EYS: variants seen among roughly 807,000 people sequenced by gnomAD.
The protein encoded by EYS is protein eyes shut homolog.
EYS carries 250 observed loss-of-function variants against 282.1 expected under a neutral mutation model. That is an observed-to-expected ratio of 0.89 (90% CI 0.80 to 0.98). The LOEUF is 0.98. EYS is among the 50% of genes least tolerant of loss of function. The pLI is 0.00. For synonymous variants in EYS, 1,355 were observed against 1,282.9 expected, an observed-to-expected ratio of 1.06 and a Z score of -1.20; for missense variants, 4,016 against 3,709.0, an observed-to-expected ratio of 1.08 and a Z score of -2.15.
At chr6:65,545,290 GT>G (rs1768342851) in intron 2 of EYS, among the ~76,000 whole-genome samples, 1 of 151,202 alleles carries the variant, frequency 6.6e-6, no homozygotes, top group African/African-American at 2.4e-5. Flanking sequence ...AAAATAAAAT[GT>G]TGTTTAGTTA....
At chr6:64,635,850 G>A (rs149574317) in intron 22 of EYS, among the ~76,000 whole-genome samples, 2 of 152,162 alleles carry the variant, frequency 1.3e-5, no homozygotes, top group Admixed American at 1.3e-4. Context: ...AATGAGTTAG[G>A]GAGGATTCCC....
chr6:65,468,345 C>T (rs1223059472), intron 5 of EYS, among the ~76,000 whole-genome samples: 1 of 152,074 alleles, frequency 6.6e-6, no homozygotes, highest in African/African-American at 2.4e-5. Flanking sequence ...CTTACTTCCT[C>T]TAGGACTTTG....
At chr6:64,729,481 CATAAAAAGG>C (rs1334620120) in intron 22 of EYS, among the ~76,000 whole-genome samples, 1 of 151,924 alleles carries the variant, frequency 6.6e-6, no homozygotes, top group South Asian at 2.1e-4. Flanking sequence ...ATCTTTTTTT[CATAAAAAGG>C]ATATGTCTCA....
intron 31 of EYS, among the ~76,000 whole-genome samples, chr6:64,174,212 A>G (rs1764559989): frequency 6.6e-6 from 1 of 152,106 alleles, no homozygotes; most frequent in Non-Finnish European, 1.5e-5. Context: ...TTTTCAACTG[A>G]AAGTGAAAAA....
At chr6:65,628,532 CTT>C (rs1766800634) in intron 2 of EYS, among the ~76,000 whole-genome samples, 1 of 152,210 alleles carries the variant, frequency 6.6e-6, no homozygotes, top group South Asian at 2.1e-4. Flanking sequence ...ACTGCACACT[CTT>C]TGGGTCCACG....
intron 31 of EYS, among the ~76,000 whole-genome samples, chr6:64,216,160 T>G (rs1321673169): frequency 6.6e-6 from 1 of 151,854 alleles, no homozygotes; most frequent in Non-Finnish European, 1.5e-5. Flanking sequence ...TAAGCACAGA[T>G]CCATTGGAAA....
At chr6:63,818,848 C>T (rs940529826) in intron 36 of EYS, among the ~76,000 whole-genome samples, 2 of 152,174 alleles carry the variant, frequency 1.3e-5, no homozygotes, top group Admixed American at 6.5e-5. Context: ...TCCGTGTGGC[C>T]CTGTGGCAGT....
In EYS at chr6:65,395,505, C is replaced by T. The variant is rs140767882; in HGVS notation, c.1184+6973G>A. ...TTATCCTTAGTTAACATATCTGTCA[C>T]CTTGCACAGTTATCATTTGTATATG... is the stretch of plus-strand genomic sequence containing the variant. On this transcript the variant is annotated intron_variant, in intron 7 of 42. Coordinates refer to ENST00000503581, the MANE Select transcript of EYS (RefSeq NM_001142800.2). Among the ~76,000 whole-genome samples the T allele has an allele frequency of 5.7e-3, 869 of 152,224 alleles. 7 individuals carry two copies. The highest frequency in any genetic ancestry group is 0.015 in the African/African-American group (606 of 41,548).
chr6:65,288,154 T>G (rs1479570907), intron 12 of EYS, among the ~76,000 whole-genome samples: 1 of 151,158 alleles, frequency 6.6e-6, no homozygotes, highest in African/African-American at 2.4e-5. Flanking sequence ...CCTCTTTCTA[T>G]TTCCTGTTTT....
In EYS at chr6:64,626,173, A is replaced by T. The variant is rs1767603325; in HGVS notation, c.3516T>A (p.His1172Gln). 25 of 1,545,166 alleles carry T rather than the reference A, an allele frequency of 1.6e-5. No individual in the cohort carries two copies. Among genetic ancestry groups the T allele is most frequent in the Non-Finnish European group, 2.0e-5 (23 of 1,145,414 alleles). The change falls in exon 23 of 43, where the codon CAT becomes CAA. Residue 1172 changes from histidine to glutamine, a missense_variant. Physicochemically the swap from His to Gln is conservative, Grantham distance 24. Transcript: ENST00000503581. Reference protein sequence around the residue: ...INECSSSPCLHGADCEDHING... With the variant: ...INECSSSPCLQGADCEDHING... ...TGATGTGATCTTCACAGTCTGCACC[A>T]TGTAGACATGGTGATGAAGAGCATT...
intron 5 of EYS, among the ~76,000 whole-genome samples, chr6:65,443,209 A>T (rs762762520): frequency 1.3e-5 from 2 of 151,874 alleles, no homozygotes; most frequent in Admixed American, 6.6e-5. Flanking sequence ...ACATATATGT[A>T]TGCATCATAT....
At chr6:65,415,899 A>G (rs1200972163) in intron 5 of EYS, among the ~76,000 whole-genome samples, 1 of 152,080 alleles carries the variant, frequency 6.6e-6, no homozygotes, top group African/African-American at 2.4e-5. Context: ...TGAATATATG[A>G]GACCAGGTAG....
At chr6:65,625,495 C>T (rs1241031846) in intron 2 of EYS, among the ~76,000 whole-genome samples, 5 of 152,092 alleles carry the variant, frequency 3.3e-5, no homozygotes, top group Non-Finnish European at 5.9e-5. Context: ...ATATGAACAA[C>T]AAAAACATGT....
chr6:64,867,974 G>A (rs1293682751), intron 19 of EYS, among the ~76,000 whole-genome samples: 2 of 151,464 alleles, frequency 1.3e-5, no homozygotes, highest in East Asian at 3.9e-4. Flanking sequence ...TAAAAAGCCT[G>A]TGGATAATTA....
chr6:63,939,337 C>G (rs943591561), intron 35 of EYS, among the ~76,000 whole-genome samples: 6 of 152,016 alleles, frequency 3.9e-5, no homozygotes, highest in African/African-American at 1.5e-4. Flanking sequence ...CCACCCATCC[C>G]CAATAATTTC....
chr6:63,736,562 C>A (rs181646734), intron 41 of EYS, among the ~76,000 whole-genome samples: 6 of 151,926 alleles, frequency 3.9e-5, no homozygotes, highest in Non-Finnish European at 8.8e-5. Context: ...ATTGACTTGG[C>A]GATGCGGGCT....
chr6:64,105,333 A>T (rs2150261821), intron 31 of EYS, among the ~76,000 whole-genome samples: 1 of 152,248 alleles, frequency 6.6e-6, no homozygotes, highest in African/African-American at 2.4e-5. Flanking sequence ...TTAGGCTCAC[A>T]GAAAATTCAA....
chr6:64,671,758 G>A (rs911216411), intron 22 of EYS, among the ~76,000 whole-genome samples: 3 of 151,986 alleles, frequency 2.0e-5, no homozygotes, highest in African/African-American at 7.2e-5. Flanking sequence ...AGTTTTAGAA[G>A]AGGGAGACAC....
At chr6:65,435,094 A>G (rs1768024467) in intron 5 of EYS, among the ~76,000 whole-genome samples, 1 of 151,792 alleles carries the variant, frequency 6.6e-6, no homozygotes, top group South Asian at 2.1e-4. Flanking sequence ...GATATTTTCT[A>G]TCTGATTTAA....
Sources: gnomAD v4.1 joint callset for allele counts (sites outside exome capture counted in the v4.1 genomes callset) on GRCh38, gnomAD v4.1.1 for gene constraint, MANE v1.5 for transcripts, NCBI Gene and HGNC (gene_info 2026-07-23, HGNC 2026-07-21) for gene names.